The following MUC22 variants were observed in gnomAD, a reference collection of about 807,000 sequenced individuals.
MUC22 encodes the protein mucin-22.
MUC22 carries 24 observed loss-of-function variants against 40.3 expected under a neutral mutation model. That is an observed-to-expected ratio of 0.60 (90% CI 0.43 to 0.84). The LOEUF is 0.84. Among genes scored for constraint, MUC22 ranks in the 40% least tolerant of loss-of-function variants. The pLI is 0.00. For synonymous variants in MUC22, 765 were observed against 844.5 expected, an observed-to-expected ratio of 0.91 and a Z score of 1.63; for missense variants, 1,926 against 2,130.7, an observed-to-expected ratio of 0.90 and a Z score of 1.89.
chr6:31,016,750 C>T (rs78830964), intron 1 of MUC22, among the ~76,000 whole-genome samples: 1,939 of 152,308 alleles, frequency 0.013, 41 homozygotes, highest in East Asian at 0.066. Context: ...CTGGGCTGGC[C>T]GAGGCCGGAG....
rs779593058 is a variant in MUC22 at position 31,025,672 on chromosome 6, A to G, written c.241A>G (p.Met81Val). 1.4e-4 allele frequency: 217 copies of G among 1,532,514 alleles called. No homozygotes were observed. The East Asian group carries it at 4.9e-3, about 35-fold the overall frequency. The allele number at this position is 1,532,514 out of a possible 1,614,324, so 94.9% of individuals were successfully genotyped here. The change falls in exon 2 of 4, where the codon ATG becomes GTG. Residue 81 changes from methionine to valine, a missense_variant. Met to Val is a conservative substitution (Grantham distance 21, BLOSUM62 1). Transcript: ENST00000561890. ...CTCTGAGACAACCTCAGCCTCCACC[A>G]TGGCTTCTACTGCAGCCTTCACCAC...
chr6:31,023,587 G>A (rs955527078), intron 1 of MUC22, among the ~76,000 whole-genome samples: 5 of 152,156 alleles, frequency 3.3e-5, no homozygotes, highest in African/African-American at 4.8e-5. Context: ...TACATTAAAT[G>A]TATATGGTCC....
At chr6:31,008,724 T>A (rs914875649), upstream of MUC22, among the ~76,000 whole-genome samples, 1 of 152,000 alleles carries the variant, frequency 6.6e-6, no homozygotes, top group African/African-American at 2.4e-5. Flanking sequence ...AATTTATTTT[T>A]ATTTTTATTT....
intron 1 of MUC22, among the ~76,000 whole-genome samples, chr6:31,022,029 G>A (rs1487950925): frequency 3.3e-5 from 5 of 151,950 alleles, no homozygotes; most frequent in Admixed American, 6.6e-5. Context: ...CCACACGCAT[G>A]GGCTTAAGAG....
At chr6:31,020,757 C>G (rs555452400) in intron 1 of MUC22, among the ~76,000 whole-genome samples, 1 of 152,132 alleles carries the variant, frequency 6.6e-6, no homozygotes, top group Admixed American at 6.5e-5. Context: ...CTGTGCGCGG[C>G]GCTTGCGGGC....
At chr6:31,025,413 G>C (rs1310011117) in intron 1 of MUC22, 89 bp from the exon 2 acceptor site, 1 of 1,339,020 alleles carries the variant, frequency 7.5e-7, no homozygotes, top group African/African-American at 1.5e-5. Flanking sequence ...TGAATAAGAA[G>C]TACTGAGTAT....
chr6:31,012,696 C>A (rs1360582864), intron 1 of MUC22, among the ~76,000 whole-genome samples: 1 of 152,184 alleles, frequency 6.6e-6, no homozygotes, highest in African/African-American at 2.4e-5. Context: ...TCTTTTCCTA[C>A]CACTAGATCT....
At chr6:31,017,259 C>T (rs1033177726) in intron 1 of MUC22, among the ~76,000 whole-genome samples, 1 of 152,248 alleles carries the variant, frequency 6.6e-6, no homozygotes, top group Non-Finnish European at 1.5e-5. Flanking sequence ...GCCAGCTGGG[C>T]TCCTGAGTGT....
At chr6:31,022,990 C>A (rs1419085020) in intron 1 of MUC22, among the ~76,000 whole-genome samples, 1 of 151,690 alleles carries the variant, frequency 6.6e-6, no homozygotes, top group East Asian at 1.9e-4. Flanking sequence ...ATTAGCTGGG[C>A]GTGGTGGCGC....
intron 1 of MUC22, among the ~76,000 whole-genome samples, chr6:31,019,361 C>G (rs1305362051): frequency 1.3e-5 from 2 of 152,216 alleles, no homozygotes; most frequent in Non-Finnish European, 2.9e-5. Flanking sequence ...GCAATAATTA[C>G]TGCTCTTAAT....
At chr6:31,008,186 C>A (rs937810439), upstream of MUC22, among the ~76,000 whole-genome samples, 1 of 152,336 alleles carries the variant, frequency 6.6e-6, no homozygotes, top group African/African-American at 2.4e-5. Context: ...TAGTTTAATT[C>A]CTGACTCCAT....
chr6:31,027,343 G>C (rs918266285), exon 2 of MUC22: 1 of 1,531,200 alleles, frequency 6.5e-7, no homozygotes, highest in Non-Finnish European at 8.7e-7. Context: ...GACCACCACA[G>C]CTTCCACTGA....
intron 1 of MUC22, among the ~76,000 whole-genome samples, chr6:31,018,459 T>C (rs1046267664): frequency 2.6e-5 from 4 of 152,254 alleles, no homozygotes; most frequent in African/African-American, 4.8e-5. Context: ...TGGAGGCCTG[T>C]ATGTTGAAGC....
chr6:31,034,803 TGGA>T (rs766006654), exon 4 of MUC22: 13 of 1,535,510 alleles, frequency 8.5e-6, no homozygotes, highest in Non-Finnish European at 1.7e-6. Flanking sequence ...CACTGGTTCA[TGGA>T]GGAGAACTTG....
rs3084519 is a variant in MUC22, at chr6:31,020,441, C to CTTTTTTTT, written c.71-5049_71-5042dup. On this transcript the variant is annotated intron_variant, in intron 1 of 3. Transcript: ENST00000561890. ...GAAGACCTTGCCTCCTGGAAATTGA[C>CTTTTTTTT]TTTTTTTTTTTTTTTTTTTGATACG... Among the ~76,000 whole-genome samples the CTTTTTTTT allele has an allele frequency of 1.7e-3, 220 of 126,676 alleles. 7 individuals carry two copies. The highest frequency in any genetic ancestry group is 2.3e-3 in the African/African-American group (78 of 34,034). 83.1% of individuals were successfully genotyped at this position (126,676 alleles called of 152,430 possible). A position where few individuals can be genotyped will look rare whatever the true frequency, so the allele number is the denominator to read the frequency against.
At chr6:31,021,445 A>G (rs1394586136) in intron 1 of MUC22, among the ~76,000 whole-genome samples, 1 of 150,282 alleles carries the variant, frequency 6.7e-6, no homozygotes, top group African/African-American at 2.5e-5. Context: ...GAGTGCACCA[A>G]TCAACACTCT....
exon 2 of MUC22, chr6:31,028,238 C>G: frequency 6.5e-7 from 1 of 1,535,016 alleles, no homozygotes; most frequent in Non-Finnish European, 8.7e-7. Flanking sequence ...TCTGAGACCA[C>G]AGTCTCTACT....
At chr6:31,022,529 G>A (rs1632867) in intron 1 of MUC22, among the ~76,000 whole-genome samples, 47,481 of 151,278 alleles carry the variant, frequency 0.31, 7,749 homozygotes, top group Non-Finnish European at 0.33. Context: ...AATGAAGTGT[G>A]CTGGAAATGA....
chr6:31,028,401 A>G, exon 2 of MUC22: 1 of 1,515,356 alleles, frequency 6.6e-7, no homozygotes, highest in South Asian at 1.3e-5. Flanking sequence ...CCTCTACTGA[A>G]GGCTCCGAGA....
Sources: allele counts gnomAD v4.1 joint callset (sites outside exome capture counted in the v4.1 genomes callset), GRCh38; gene constraint gnomAD v4.1.1; transcripts MANE v1.5; gene names NCBI Gene and HGNC (gene_info 2026-07-23, HGNC 2026-07-21).